ZNF331: variants seen among roughly 807,000 people sequenced by gnomAD.
The protein encoded by ZNF331 is zinc finger protein 331, also known as C2H2-like zinc finger protein rearranged in thyroid adenomas.
ZNF331 carries 2 observed loss-of-function variants against 7.0 expected under a neutral mutation model. The observed-to-expected ratio is 0.29, with a 90% CI of 0.12 to 0.90. The LOEUF (loss-of-function observed/expected upper bound fraction) is 0.90, where lower values mean the gene tolerates loss of function less well. Ranked by LOEUF, ZNF331 falls within the 40% of genes least tolerant of loss-of-function variation. The probability of loss-of-function intolerance (pLI) is 0.58; values close to 1 mark genes in which losing one functional copy is unlikely to be tolerated. For synonymous variants in ZNF331, 196 were observed against 205.4 expected, an observed-to-expected ratio of 0.95 and a Z score of 0.39; for missense variants, 432 against 587.7, an observed-to-expected ratio of 0.74 and a Z score of 2.74.
At chr19:53,525,504 T>A (rs184966041) in intron 2 of ZNF331, among the ~76,000 whole-genome samples, 19 of 152,322 alleles carry the variant, frequency 1.2e-4, no homozygotes, top group African/African-American at 4.6e-4. Flanking sequence ...AGGTATTTTA[T>A]TTTCTTTGTA....
upstream of ZNF331, among the ~76,000 whole-genome samples, chr19:53,533,154 A>C (rs1459756284): frequency 6.8e-6 from 1 of 147,348 alleles, no homozygotes; most frequent in Non-Finnish European, 1.5e-5. Context: ...CCCTCTTAGA[A>C]CTGCTTTTCC....
At chr19:53,569,674 G>T (rs2090341288) in intron 4 of ZNF331, among the ~76,000 whole-genome samples, 1 of 152,090 alleles carries the variant, frequency 6.6e-6, no homozygotes, top group African/African-American at 2.4e-5. Flanking sequence ...CAAGTCTGTG[G>T]TTTGATGAGT....
At chr19:53,506,582 A>G in the ZNF331 span, among the ~76,000 whole-genome samples, 1 of 151,108 alleles carries the variant, frequency 6.6e-6, no homozygotes, top group South Asian at 2.1e-4. Flanking sequence ...TCCCTTACCC[A>G]TGCCATTGTA....
chr19:53,571,749 A>AT lies in ZNF331; in HGVS notation c.136+20dup. The stretch of plus-strand genomic sequence containing the variant: ...TCACTGGGTGAGTTGCACGCCTCAG[A>AT]TAACTTAGACTGCCTCCTGGAATAT... On this transcript the variant is annotated intron_variant, in intron 5 of 5. Transcript: ENST00000449416. This position sits in a 1 kb window ranked among gnomAD's most constrained non-coding sequence, Gnocchi z 4.7. 2 of 1,595,220 alleles carry AT rather than the reference A, an allele frequency of 1.3e-6. No individual in the cohort carries two copies. Among genetic ancestry groups the AT allele is most frequent in the Non-Finnish European group, 1.7e-6 (2 of 1,170,674 alleles).
chr19:53,527,403 T>C lies in ZNF331; in HGVS notation c.-205+4719T>C, dbSNP rs2087347943. Reference sequence around the variant, plus strand: ...TGTTGCACGGCAAGGGAAATTTCAGTTGTAGATGGACTGAAGTTATTAATC... The same window carrying C: ...TGTTGCACGGCAAGGGAAATTTCAGCTGTAGATGGACTGAAGTTATTAATC... On this transcript the variant is annotated intron_variant, in intron 2 of 6. Transcript: ENST00000253144. 2.0e-5 allele frequency among the ~76,000 whole-genome samples: 3 copies of C among 152,078 alleles called. No homozygotes were observed. The South Asian group carries it at 6.2e-4, about 32-fold the overall frequency.
chr19:53,524,618 T>G (rs2087222049), intron 2 of ZNF331, among the ~76,000 whole-genome samples: 1 of 152,206 alleles, frequency 6.6e-6, no homozygotes. Context: ...GTTTTTTGTT[T>G]TTTTCTTGTA....
At chr19:53,547,247 A>G (rs1047810717) in intron 2 of ZNF331, among the ~76,000 whole-genome samples, 1 of 152,034 alleles carries the variant, frequency 6.6e-6, no homozygotes, top group African/African-American at 2.4e-5. Context: ...TTCTTCTGTG[A>G]GTTGGATTTT....
At chr19:53,553,614 G>C (rs766791368) in intron 2 of ZNF331, among the ~76,000 whole-genome samples, 3 of 149,768 alleles carry the variant, frequency 2.0e-5, no homozygotes, top group Non-Finnish European at 4.4e-5. Flanking sequence ...TGGTTAAGTA[G>C]TACCTGCAAC....
intron 2 of ZNF331, among the ~76,000 whole-genome samples, chr19:53,528,934 G>C (rs943375130): frequency 6.7e-6 from 1 of 148,626 alleles, no homozygotes; most frequent in African/African-American, 2.6e-5. Context: ...ACAGCTGCCT[G>C]TCCCCACGCC....
chr19:53,542,621 T>A (rs2147338996), intron 2 of ZNF331, among the ~76,000 whole-genome samples: 1 of 152,332 alleles, frequency 6.6e-6, no homozygotes, highest in South Asian at 2.1e-4. Flanking sequence ...AATTAGATTT[T>A]CTTATGCAGA....
At chr19:53,509,901 G>T in the ZNF331 span, among the ~76,000 whole-genome samples, 10 of 152,202 alleles carry the variant, frequency 6.6e-5, no homozygotes, top group Admixed American at 3.3e-4. Flanking sequence ...GGGAAGCAAG[G>T]TATGTCTTAC....
At chr19:53,556,106 G>A (rs1361951017) in intron 3 of ZNF331, among the ~76,000 whole-genome samples, 198 bp downstream of exon 3, 4 of 151,724 alleles carry the variant, frequency 2.6e-5, no homozygotes, top group Admixed American at 6.6e-5. Context: ...AGCCGGGAGT[G>A]GTGGTGGGCG....
At chr19:53,562,409 G>A (rs1028418530) in intron 3 of ZNF331, among the ~76,000 whole-genome samples, 22 of 152,020 alleles carry the variant, frequency 1.4e-4, no homozygotes, top group African/African-American at 5.1e-4. Flanking sequence ...CAAGATTCAC[G>A]CCGGGTGCAG....
chr19:53,529,104 T>A (rs549868991), intron 2 of ZNF331, among the ~76,000 whole-genome samples: 160 of 152,268 alleles, frequency 1.1e-3, no homozygotes, highest in African/African-American at 2.4e-3. Flanking sequence ...TTGATTTTTT[T>A]AAAATTATTC....
intron 2 of ZNF331, among the ~76,000 whole-genome samples, chr19:53,541,011 TC>T (rs1448818046): frequency 6.6e-6 from 1 of 152,162 alleles, no homozygotes; most frequent in Non-Finnish European, 1.5e-5. Context: ...CAACCTTAAT[TC>T]CCCTTTGCCA....
At chr19:53,572,665 T>C (rs1384878823) in intron 5 of ZNF331, among the ~76,000 whole-genome samples, 1 of 149,344 alleles carries the variant, frequency 6.7e-6, no homozygotes, top group Non-Finnish European at 1.5e-5. Context: ...ATATATTATA[T>C]ATATAAACTG....
the ZNF331 span, among the ~76,000 whole-genome samples, chr19:53,510,461 T>G: frequency 6.6e-6 from 1 of 151,842 alleles, no homozygotes; most frequent in Non-Finnish European, 1.5e-5. Flanking sequence ...CCATGTAGCT[T>G]TATTTTAAAT....
At position 53,578,776 on chromosome 19, in the gene ZNF331, G is replaced by A. The variant is rs1369878774; in HGVS notation, c.*824G>A. 1 of 205,190 alleles carries A rather than the reference G, an allele frequency of 4.9e-6. No homozygotes were observed. Among genetic ancestry groups the A allele is most frequent in the African/African-American group, 2.3e-5 (1 of 43,684 alleles). The allele number at this position is 205,190 out of a possible 1,614,324, so 12.7% of individuals were successfully genotyped here. A position where few individuals can be genotyped will look rare whatever the true frequency, so the allele number is the denominator to read the frequency against. On this transcript the variant is annotated 3_prime_UTR_variant, in exon 6 of 6. Coordinates refer to ENST00000449416, the MANE Select transcript of ZNF331 (RefSeq NM_001079906.2). Reference sequence around the variant, plus strand: ...AAATTCCTGGTACAGTTTAACGTAAGGCTTCACTGATCACTGTTGTTTTTG... The same window carrying A: ...AAATTCCTGGTACAGTTTAACGTAAAGCTTCACTGATCACTGTTGTTTTTG...
At chr19:53,563,523 T>A (rs2147573358) in intron 3 of ZNF331, among the ~76,000 whole-genome samples, 2 of 152,306 alleles carry the variant, frequency 1.3e-5, no homozygotes, top group South Asian at 4.1e-4. Context: ...CACATTAAGC[T>A]CTGAAAATTG....
Sources: gnomAD v4.1 joint callset for allele counts (sites outside exome capture counted in the v4.1 genomes callset) on GRCh38, gnomAD v4.1.1 for gene constraint, Gnocchi (gnomAD v3.1) non-coding constraint, MANE v1.5 for transcripts, NCBI Gene and HGNC (gene_info 2026-07-23, HGNC 2026-07-21) for gene names.